PDE1C: variants seen among roughly 807,000 people sequenced by gnomAD.
PDE1C encodes dual specificity calcium/calmodulin-dependent 3',5'-cyclic nucleotide phosphodiesterase 1C.
Under a neutral mutation model 93.1 loss-of-function variants are expected in PDE1C, and 62 were observed. That is an observed-to-expected ratio of 0.67 (90% CI 0.54 to 0.82). The LOEUF is 0.82. PDE1C is among the 40% of genes least tolerant of loss of function. The pLI, the probability that PDE1C is intolerant of heterozygous loss-of-function variation, is 0.00. For missense variants in PDE1C, 742 were observed against 884.6 expected (o/e 0.84, Z 2.04); for synonymous variants, 325 against 310.1 (o/e 1.05, Z -0.50).
In PDE1C at chr7:32,374,309, A is replaced by G. The variant is rs77020198; in HGVS notation, c.310+53513T>C. Among the ~76,000 whole-genome samples, 457 of 146,608 alleles carry G rather than the reference A, an allele frequency of 3.1e-3. 1 individual carries two copies. Among genetic ancestry groups the G allele is most frequent in the African/African-American group, 0.011 (434 of 38,158 alleles). ...AAAGAAAGAAAGAAAGAAAGAAAGA[A>G]GAAAAGAAAAGAAAACTATGTTCTC... On this transcript the variant is annotated intron_variant, in intron 1 of 1. Transcript: ENST00000672256.
intron 1 of PDE1C, among the ~76,000 whole-genome samples, chr7:32,349,545 C>A (rs889783098): frequency 4.6e-5 from 7 of 152,094 alleles, no homozygotes; most frequent in African/African-American, 1.7e-4. Flanking sequence ...ACATTTAAAG[C>A]AAAACATTTT....
At chr7:31,900,240 C>T (rs571051071) in intron 2 of PDE1C, among the ~76,000 whole-genome samples, 1 of 152,106 alleles carries the variant, frequency 6.6e-6, no homozygotes, top group African/African-American at 2.4e-5. Context: ...TATTCTCTCT[C>T]ATCATATCAA....
chr7:32,215,937 C>A (rs978973965), intron 1 of PDE1C, among the ~76,000 whole-genome samples: 3 of 152,202 alleles, frequency 2.0e-5, no homozygotes, highest in African/African-American at 7.2e-5. Flanking sequence ...TTTGCCACAG[C>A]CCTGGGTCTG....
At chr7:32,105,206 A>G (rs1331293264) in intron 3 of PDE1C, among the ~76,000 whole-genome samples, 2 of 152,236 alleles carry the variant, frequency 1.3e-5, no homozygotes, top group Admixed American at 6.5e-5. Flanking sequence ...TAAATTTCCA[A>G]TAAAAGGGAC....
chr7:31,779,696 G>A (rs184605198), intron 16 of PDE1C, among the ~76,000 whole-genome samples: 2 of 152,164 alleles, frequency 1.3e-5, no homozygotes, highest in East Asian at 1.9e-4. Flanking sequence ...ATTTTGCCAC[G>A]GGCCATTGGC....
At chr7:31,866,993 C>T (rs1352791113) in intron 6 of PDE1C, among the ~76,000 whole-genome samples, 1 of 152,110 alleles carries the variant, frequency 6.6e-6, no homozygotes, top group Non-Finnish European at 1.5e-5. Context: ...CCCTACCCAG[C>T]TACAGCAAGG....
intron 2 of PDE1C, among the ~76,000 whole-genome samples, chr7:32,194,863 G>A (rs1428737093): frequency 6.6e-6 from 1 of 150,926 alleles, no homozygotes; most frequent in Non-Finnish European, 1.5e-5. Flanking sequence ...TATTTTTCCT[G>A]CCTTCCTGTG....
chr7:31,747,884 T>C (rs929413197), downstream of PDE1C, among the ~76,000 whole-genome samples: 3 of 149,090 alleles, frequency 2.0e-5, no homozygotes, highest in African/African-American at 7.4e-5. Context: ...CAGTCTTGGG[T>C]TCTACAACCC....
chr7:31,989,078 G>T (rs982962200), intron 2 of PDE1C, among the ~76,000 whole-genome samples: 1 of 147,000 alleles, frequency 6.8e-6, no homozygotes, highest in Non-Finnish European at 1.5e-5. Flanking sequence ...AAGAAAGAGA[G>T]AGAGAAAGAA....
At chr7:32,264,720 T>C (rs1025121522) in intron 1 of PDE1C, among the ~76,000 whole-genome samples, 1 of 152,216 alleles carries the variant, frequency 6.6e-6, no homozygotes, top group African/African-American at 2.4e-5. Flanking sequence ...GTGCCCACAT[T>C]GACCCTTTCT....
rs189546815 is a variant in PDE1C, at chr7:31,897,574, C to T, written c.129-16714G>A. On this transcript the variant is annotated intron_variant, in intron 2 of 17. Transcript: ENST00000396191. ...ATACTTCACTTTTACCTCACAATGA[C>T]GAGAGCATATTTTTAAACATCTCTC... Among the ~76,000 whole-genome samples, 279 of 152,288 alleles carry T rather than the reference C, an allele frequency of 1.8e-3. 4 individuals are homozygous for T. The highest frequency in any genetic ancestry group is 0.015 in the Admixed American group (229 of 15,290).
At chr7:31,991,736 G>C (rs554607011) in intron 2 of PDE1C, among the ~76,000 whole-genome samples, 1 of 152,150 alleles carries the variant, frequency 6.6e-6, no homozygotes, top group Admixed American at 6.5e-5. Context: ...GTGTATATGC[G>C]TATGTGTGTG....
intron 2 of PDE1C, among the ~76,000 whole-genome samples, chr7:31,943,157 C>T (rs1806081280): frequency 6.6e-6 from 1 of 152,132 alleles, no homozygotes; most frequent in Non-Finnish European, 1.5e-5. Flanking sequence ...AGTTTGGAAA[C>T]CTTTGAGCTT....
intron 11 of PDE1C, among the ~76,000 whole-genome samples, chr7:31,834,757 T>C (rs535713805): frequency 2.6e-5 from 4 of 152,158 alleles, no homozygotes; most frequent in African/African-American, 9.6e-5. Context: ...CTTCGAACTG[T>C]GGACTTTTGA....
intron 3 of PDE1C, among the ~76,000 whole-genome samples, chr7:32,150,884 C>A (rs1801205003): frequency 6.6e-6 from 1 of 152,082 alleles, no homozygotes; most frequent in African/African-American, 2.4e-5. Context: ...CTTACAAAAA[C>A]CATGCAATGT....
chr7:31,995,671 T>C (rs932075762), intron 2 of PDE1C, among the ~76,000 whole-genome samples: 1 of 152,146 alleles, frequency 6.6e-6, no homozygotes, highest in Non-Finnish European at 1.5e-5. Context: ...GATTTTCTAC[T>C]CAACTTTGAA....
At chr7:32,103,950 G>A (rs1001566972) in intron 3 of PDE1C, among the ~76,000 whole-genome samples, 2 of 152,182 alleles carry the variant, frequency 1.3e-5, no homozygotes, top group African/African-American at 4.8e-5. Flanking sequence ...AACACAAAGG[G>A]TAGAGATGAG....
chr7:31,951,702 C>T (rs1807405118), intron 2 of PDE1C, among the ~76,000 whole-genome samples: 1 of 152,182 alleles, frequency 6.6e-6, no homozygotes, highest in Admixed American at 6.5e-5. Flanking sequence ...TTTTGTTTTA[C>T]TTAACATAAC....
chr7:31,701,021 C>T, the PDE1C span, among the ~76,000 whole-genome samples: 1 of 152,154 alleles, frequency 6.6e-6, no homozygotes, highest in Non-Finnish European at 1.5e-5. Flanking sequence ...AATGTAGCAT[C>T]TATTCTGGAG....
Sources: allele counts gnomAD v4.1 joint callset (sites outside exome capture counted in the v4.1 genomes callset), GRCh38; gene constraint gnomAD v4.1.1; transcripts MANE v1.5; gene names NCBI Gene and HGNC (gene_info 2026-07-23, HGNC 2026-07-21).